The following ZFPM2 variants were observed in gnomAD, a reference collection of about 807,000 sequenced individuals.
ZFPM2 encodes the protein zinc finger protein, FOG family member 2.
A neutral mutation model predicts 98.6 loss-of-function variants in ZFPM2; 20 were observed. The observed-to-expected ratio is 0.20, with a 90% CI of 0.14 to 0.29. The LOEUF is 0.29. Ranked by LOEUF, ZFPM2 falls within the 10% of genes least tolerant of loss-of-function variation. ZFPM2 has a pLI of 1.00. For missense variants in ZFPM2, 1,310 were observed against 1,388.6 expected (o/e 0.94, Z 0.90); for synonymous variants, 518 against 502.7 (o/e 1.03, Z -0.41).
chr8:105,429,445 A>AAT (rs142230291), intron 2 of ZFPM2, among the ~76,000 whole-genome samples: 3,425 of 138,196 alleles, frequency 0.025, 150 homozygotes, highest in African/African-American at 0.039. Context: ...TAGACAAGGA[A>AAT]ATATATATAT....
At chr8:105,333,402 G>A (rs1049413606) in intron 1 of ZFPM2, among the ~76,000 whole-genome samples, 6 of 151,778 alleles carry the variant, frequency 4.0e-5, no homozygotes, top group South Asian at 2.1e-4. Context: ...TCATGAGATC[G>A]TCTTTGGTAG....
intron 3 of ZFPM2, among the ~76,000 whole-genome samples, chr8:105,499,696 C>T (rs564674252): frequency 6.6e-6 from 1 of 151,890 alleles, no homozygotes; most frequent in East Asian, 1.9e-4. Context: ...TTTTTCAACT[C>T]CTCACACCCT....
chr8:105,792,456 A>G (rs942197429), intron 6 of ZFPM2, among the ~76,000 whole-genome samples: 2 of 152,158 alleles, frequency 1.3e-5, no homozygotes, highest in Non-Finnish European at 2.9e-5. Flanking sequence ...TCAGAGATAT[A>G]GTTTGTTATA....
chr8:105,647,708 C>A (rs1297768218), intron 5 of ZFPM2, among the ~76,000 whole-genome samples: 2 of 152,136 alleles, frequency 1.3e-5, no homozygotes, highest in African/African-American at 2.4e-5. Flanking sequence ...GACATGAACT[C>A]ATCCTTTTTT....
At chr8:105,477,046 A>G (rs557712370) in intron 3 of ZFPM2, among the ~76,000 whole-genome samples, 1 of 152,264 alleles carries the variant, frequency 6.6e-6, no homozygotes, top group East Asian at 1.9e-4. Flanking sequence ...ACATGAAGAA[A>G]AGGAAATGTT....
At chr8:105,564,805 T>C (rs1406124611) in intron 4 of ZFPM2, among the ~76,000 whole-genome samples, 2 of 151,866 alleles carry the variant, frequency 1.3e-5, no homozygotes, top group Non-Finnish European at 2.9e-5. Flanking sequence ...ATACCTTTTT[T>C]TCCCCGATGG....
Sources: gnomAD v4.1 joint callset for allele counts (sites outside exome capture counted in the v4.1 genomes callset) on GRCh38, gnomAD v4.1.1 for gene constraint, MANE v1.5 for transcripts, NCBI Gene and HGNC (gene_info 2026-07-23, HGNC 2026-07-21) for gene names.